The following FREM1 variants were observed in gnomAD, a reference collection of about 807,000 sequenced individuals.
FREM1 encodes the protein FRAS1 related extracellular matrix 1.
Under a neutral mutation model 210.1 loss-of-function variants are expected in FREM1, and 220 were observed. That is an observed-to-expected ratio of 1.05 (90% CI 0.94 to 1.17). The LOEUF (loss-of-function observed/expected upper bound fraction) is 1.17, where lower values mean the gene tolerates loss of function less well. FREM1 is among the 50% of genes most tolerant of loss of function. The probability of loss-of-function intolerance (pLI) is 0.00; values close to 1 mark genes in which losing one functional copy is unlikely to be tolerated. For synonymous variants in FREM1, 1,189 were observed against 980.2 expected (o/e 1.21, Z -3.98); for missense variants, 3,454 against 2,675.5 (o/e 1.29, Z -6.42).
At chr9:14,786,929 G>T (rs982259945) in intron 23 of FREM1, among the ~76,000 whole-genome samples, 4 of 152,168 alleles carry the variant, frequency 2.6e-5, no homozygotes, top group Non-Finnish European at 4.4e-5. Context: ...AGCAGGAAAT[G>T]GACCTGAGGG....
In FREM1 at chr9:14,841,598, TCCATAAAACA is replaced by T; in HGVS notation, c.1739-19_1739-10del. 1 of 1,569,768 alleles carries T rather than the reference TCCATAAAACA, an allele frequency of 6.4e-7. No individual in the cohort carries two copies. The highest frequency in any genetic ancestry group is 8.7e-7 in the Non-Finnish European group (1 of 1,152,508). On this transcript the variant is annotated splice_polypyrimidine_tract_variant and intron_variant, in intron 9 of 36. Coordinates refer to ENST00000380880, the MANE Select transcript of FREM1 (RefSeq NM_001379081.2). The stretch of plus-strand genomic sequence containing the variant: ...GCCATGGACAGGATAGCCTATTGGG[TCCATAAAACA>T]CCACATACTTTTGTACAAGCCTATC...
intron 35 of FREM1, 62 bp from the exon 36 acceptor site, chr9:14,740,296 A>G (rs1587618030): frequency 8.3e-7 from 1 of 1,203,810 alleles, no homozygotes; most frequent in East Asian, 2.3e-5. Flanking sequence ...CTGATACGAA[A>G]TGCATAACAG....
In FREM1 at chr9:14,806,854, C is replaced by T; in HGVS notation, c.3089-8G>A. 6.4e-7 allele frequency: 1 copy of T among 1,551,812 alleles called. No individual in the cohort carries two copies. The highest frequency in any genetic ancestry group is 8.8e-7 in the Non-Finnish European group (1 of 1,137,958). On this transcript the variant is annotated splice_polypyrimidine_tract_variant and splice_region_variant and intron_variant, in intron 17 of 36. Coordinates refer to ENST00000380880, the MANE Select transcript of FREM1 (RefSeq NM_001379081.2). ...CTACAACAAACACGGGACCTGCATA[C>T]AAATAAAAACACAATTACAACTTAG...
intron 20 of FREM1, among the ~76,000 whole-genome samples, chr9:14,799,134 G>C (rs966139951): frequency 6.6e-6 from 1 of 151,880 alleles, no homozygotes; most frequent in Non-Finnish European, 1.5e-5. Context: ...TTTTTCATCA[G>C]CCAGTGGTAT....
At chr9:14,878,422 T>G (rs1375776326) in intron 1 of FREM1, among the ~76,000 whole-genome samples, 1 of 152,112 alleles carries the variant, frequency 6.6e-6, no homozygotes, top group African/African-American at 2.4e-5. Flanking sequence ...TACTCTCAAG[T>G]TCCCATCAAA....
Position 14,842,628 on chromosome 9 carries a change from G to T in FREM1, c.1426C>A (p.Leu476Ile). 6.2e-7 allele frequency: 1 copy of T among 1,613,778 alleles called. No homozygotes were observed. Residue 476 changes from leucine to isoleucine, a missense_variant, in exon 9 of 37, where the codon CTC becomes ATC. Physicochemically the swap from Leu to Ile is conservative, Grantham distance 5. Transcript: ENST00000380880. ...GKGFLFTVAD[L>I]QAGVVRYHHD... ...TGATAGCGAACAACTCCAGCCTGGA[G>T]GTCAGCCACGGTGAAGAGAAACCCT...
intron 1 of FREM1, among the ~76,000 whole-genome samples, chr9:14,889,679 G>A (rs940440708): frequency 6.6e-6 from 1 of 152,186 alleles, no homozygotes; most frequent in Non-Finnish European, 1.5e-5. Context: ...GAACTCTGGA[G>A]AGGGAGCCCT....
chr9:14,876,966 G>A (rs1376727291), intron 1 of FREM1, among the ~76,000 whole-genome samples: 1 of 152,126 alleles, frequency 6.6e-6, no homozygotes, highest in Admixed American at 6.5e-5. Flanking sequence ...GAGGTAAGGG[G>A]GAATCTTTGC....
intron 1 of FREM1, among the ~76,000 whole-genome samples, chr9:14,903,829 T>C (rs2132664169): frequency 6.6e-6 from 1 of 152,264 alleles, no homozygotes; most frequent in South Asian, 2.1e-4. Context: ...TATTAAAACT[T>C]AGACATTTCT....
intron 10 of FREM1, among the ~76,000 whole-genome samples, chr9:14,839,274 G>T (rs1189411511): frequency 1.3e-5 from 2 of 152,162 alleles, no homozygotes; most frequent in African/African-American, 2.4e-5. Context: ...TTAGAGAAAG[G>T]AGTCAGGGAT....
intron 25 of FREM1, 82 bp downstream of exon 25, chr9:14,775,707 C>CAAAAAAAAA: frequency 2.7e-6 from 1 of 374,368 alleles, no homozygotes; most frequent in Non-Finnish European, 4.2e-6. Context: ...GACTCCCTCT[C>CAAAAAAAAA]AAAAAAAAAA....
chr9:14,835,322 G>C (rs1466885698), intron 10 of FREM1, among the ~76,000 whole-genome samples: 1 of 152,136 alleles, frequency 6.6e-6, no homozygotes, highest in East Asian at 1.9e-4. Context: ...TCTAGAATTT[G>C]GAGACTATCT....
intron 16 of FREM1, among the ~76,000 whole-genome samples, chr9:14,811,540 G>A (rs191358669): frequency 1.7e-4 from 26 of 152,110 alleles, no homozygotes; most frequent in African/African-American, 3.1e-4. Context: ...TACGAACTAC[G>A]CTCCTCAGGA....
At chr9:14,833,941 A>G (rs1236879414) in intron 10 of FREM1, among the ~76,000 whole-genome samples, 1 of 152,176 alleles carries the variant, frequency 6.6e-6, no homozygotes, top group Non-Finnish European at 1.5e-5. Context: ...TTTGTGGGGC[A>G]GTTGGGGGGG....
intron 25 of FREM1, among the ~76,000 whole-genome samples, chr9:14,774,535 CTCTCT>C: frequency 6.7e-6 from 1 of 148,698 alleles, no homozygotes; most frequent in Non-Finnish European, 1.5e-5. Context: ...CTCTCTCTCT[CTCTCT>C]CTCTCTCTCT....
At chr9:14,841,846 A>G (rs981321870) in intron 9 of FREM1, among the ~76,000 whole-genome samples, 2 of 152,200 alleles carry the variant, frequency 1.3e-5, no homozygotes, top group African/African-American at 4.8e-5. Flanking sequence ...CAAGAAACTT[A>G]CTCTTATTTC....
chr9:14,770,551 G>A, intron 26 of FREM1, 54 bp downstream of exon 26: 4 of 1,361,116 alleles, frequency 2.9e-6, no homozygotes, highest in East Asian at 2.3e-5. Flanking sequence ...CTCTAGCCCT[G>A]CCAGCCACTG....
Position 14,860,818 on chromosome 9 carries a change from C to T in FREM1, c.330-1334G>A, listed in dbSNP as rs373071508. On this transcript the variant is annotated intron_variant, in intron 3 of 36. Coordinates refer to ENST00000380880, the MANE Select transcript of FREM1 (RefSeq NM_001379081.2). ...ATATACACATATATACATATATACA[C>T]ATATATACATATATACGTATATATA... Among the ~76,000 whole-genome samples, 201 of 47,874 alleles carry T rather than the reference C, an allele frequency of 4.2e-3. 13 individuals are homozygous for T. The highest frequency in any genetic ancestry group is 1.0e-2 in the African/African-American group (98 of 9,824). 31.4% of individuals were successfully genotyped at this position (47,874 alleles called of 152,430 possible). A position where few individuals can be genotyped will look rare whatever the true frequency, so the allele number is the denominator to read the frequency against.
intron 15 of FREM1, among the ~76,000 whole-genome samples, chr9:14,813,830 C>T (rs542717994): frequency 1.2e-4 from 19 of 152,342 alleles, no homozygotes; most frequent in Non-Finnish European, 7.3e-5. Flanking sequence ...AAGGCTGCCA[C>T]GTCTGCCCTG....
Sources: gnomAD v4.1 joint callset for allele counts (sites outside exome capture counted in the v4.1 genomes callset) on GRCh38, gnomAD v4.1.1 for gene constraint, MANE v1.5 for transcripts, NCBI Gene and HGNC (gene_info 2026-07-23, HGNC 2026-07-21) for gene names.